TMEM217B: variants seen among roughly 807,000 people sequenced by gnomAD.
TMEM217B encodes the protein putative transmembrane protein 217B.
chr6:37,237,870 A>G, the TMEM217B span, among the ~76,000 whole-genome samples: 59 of 152,320 alleles, frequency 3.9e-4, no homozygotes, highest in African/African-American at 1.3e-3. Flanking sequence ...AGAAAACTCT[A>G]AAACTGTATG....
chr6:37,254,501 A>G, the TMEM217B span, among the ~76,000 whole-genome samples: 1 of 152,202 alleles, frequency 6.6e-6, no homozygotes, highest in Non-Finnish European at 1.5e-5. Flanking sequence ...GAAGAATACA[A>G]TCTTTCTCAG....
chr6:37,257,443 G>C, the TMEM217B span: 1 of 154,006 alleles, frequency 6.5e-6, no homozygotes, highest in Admixed American at 6.5e-5. Flanking sequence ...CTTACTTTTA[G>C]GTGAAAGATT....
At chr6:37,228,254 A>G in the TMEM217B span, among the ~76,000 whole-genome samples, 2 of 152,202 alleles carry the variant, frequency 1.3e-5, no homozygotes, top group Admixed American at 1.3e-4. Context: ...AGAAAGAAAA[A>G]GTTACTAGGG....
At chr6:37,218,397 G>T in the TMEM217B span, 1 of 1,523,924 alleles carries the variant, frequency 6.6e-7, no homozygotes, top group African/African-American at 1.4e-5. Context: ...GGCTGGTCTT[G>T]AACTCCTGAC....
At chr6:37,233,038 C>T in the TMEM217B span, among the ~76,000 whole-genome samples, 1 of 152,216 alleles carries the variant, frequency 6.6e-6, no homozygotes, top group Non-Finnish European at 1.5e-5. Flanking sequence ...ACACTGGTGA[C>T]TCCCAATCCA....
chr6:37,215,196 A>G, the TMEM217B span: 1,450 of 1,613,264 alleles, frequency 9.0e-4, 10 homozygotes, highest in African/African-American at 0.016. Flanking sequence ...TTCAATACTC[A>G]CTCAGCAGAC....
At chr6:37,231,955 A>G in the TMEM217B span, among the ~76,000 whole-genome samples, 2 of 151,942 alleles carry the variant, frequency 1.3e-5, no homozygotes, top group Non-Finnish European at 2.9e-5. Flanking sequence ...ACTTACTAAA[A>G]TCAGAATCTC....
the TMEM217B span, among the ~76,000 whole-genome samples, chr6:37,238,167 G>GAAAA: frequency 3.4e-5 from 5 of 148,432 alleles, no homozygotes; most frequent in Non-Finnish European, 3.0e-5. Flanking sequence ...TAAAAACACT[G>GAAAA]AAAAAAAAAA....
chr6:37,229,093 A>G, the TMEM217B span, among the ~76,000 whole-genome samples: 1 of 152,122 alleles, frequency 6.6e-6, no homozygotes, highest in Non-Finnish European at 1.5e-5. Flanking sequence ...GAGTTTCATA[A>G]CAATCTTGAG....
At chr6:37,229,646 G>T in the TMEM217B span, among the ~76,000 whole-genome samples, 8 of 152,054 alleles carry the variant, frequency 5.3e-5, no homozygotes, top group Admixed American at 3.3e-4. Context: ...CGGCCAATGT[G>T]CAACTTTCAG....
the TMEM217B span, chr6:37,212,694 CCA>C: frequency 1.6e-6 from 1 of 625,740 alleles, no homozygotes; most frequent in Non-Finnish European, 3.0e-6. Context: ...AAGTGATGAT[CCA>C]CATGGCATAG....
chr6:37,252,016 C>T, the TMEM217B span, among the ~76,000 whole-genome samples: 1 of 152,150 alleles, frequency 6.6e-6, no homozygotes, highest in Non-Finnish European at 1.5e-5. Flanking sequence ...GCCTCAGCCT[C>T]CCGAGTAGCT....
the TMEM217B span, among the ~76,000 whole-genome samples, chr6:37,228,502 G>A: frequency 7.9e-3 from 1,207 of 152,324 alleles, 8 homozygotes; most frequent in Non-Finnish European, 0.013. Context: ...TCAGGAGTTT[G>A]AGACCAGCCT....
the TMEM217B span, among the ~76,000 whole-genome samples, chr6:37,232,036 C>G: frequency 1.3e-5 from 2 of 152,058 alleles, 1 homozygote; most frequent in South Asian, 4.1e-4. Flanking sequence ...TTACCTGAAA[C>G]TGGGCAGCTG....
chr6:37,212,636 T>C, the TMEM217B span: 2 of 531,430 alleles, frequency 3.8e-6, no homozygotes, highest in East Asian at 9.5e-5. Flanking sequence ...AAGTGATCTT[T>C]GATGATCCCG....
chr6:37,239,763 C>T, the TMEM217B span, among the ~76,000 whole-genome samples: 4 of 151,552 alleles, frequency 2.6e-5, no homozygotes, highest in South Asian at 2.1e-4. Flanking sequence ...ACAATGACAA[C>T]GAACACATTA....
At chr6:37,218,169 C>CTT in the TMEM217B span, 40,950 of 992,030 alleles carry the variant, frequency 0.041, 5 homozygotes, top group East Asian at 0.051. Context: ...AAGCTGCTAA[C>CTT]TTTTTTTTTT....
the TMEM217B span, among the ~76,000 whole-genome samples, chr6:37,256,358 A>G: frequency 6.6e-6 from 1 of 152,182 alleles, no homozygotes; most frequent in Non-Finnish European, 1.5e-5. Flanking sequence ...TAAAGACAAA[A>G]CATCAGCCTT....
At chr6:37,236,274 CA>C in the TMEM217B span, among the ~76,000 whole-genome samples, 1 of 152,130 alleles carries the variant, frequency 6.6e-6, no homozygotes, top group African/African-American at 2.4e-5. Flanking sequence ...AGGCATGAGC[CA>C]CTGTGCCTGG....
Sources: gnomAD v4.1 joint callset for allele counts (sites outside exome capture counted in the v4.1 genomes callset) on GRCh38, gnomAD v4.1.1 for gene constraint, MANE v1.5 for transcripts, NCBI Gene and HGNC (gene_info 2026-07-23, HGNC 2026-07-21) for gene names.